The following PCDHA12 variants were observed in gnomAD, a reference collection of about 807,000 sequenced individuals.
PCDHA12 encodes the protein protocadherin alpha-12.
In PCDHA12, 44 loss-of-function variants were observed where a neutral mutation model predicts 60.0. That is an observed-to-expected ratio of 0.73 (90% CI 0.58 to 0.94). The LOEUF is 0.94. Among genes scored for constraint, PCDHA12 ranks in the 40% least tolerant of loss-of-function variants. PCDHA12 has a pLI of 0.00. For missense variants in PCDHA12, 1,276 were observed against 1,239.7 expected, an observed-to-expected ratio of 1.03 and a Z score of -0.44; for synonymous variants, 569 against 553.0, an observed-to-expected ratio of 1.03 and a Z score of -0.40.
At position 140,877,303 on chromosome 5, in the gene PCDHA12, T is replaced by C. The variant is rs566187421; in HGVS notation, c.1831T>C (p.Leu611=). 3.5e-4 allele frequency: 564 copies of C among 1,613,850 alleles called. 6 individuals are homozygous for C. In the South Asian group the frequency reaches 5.9e-3, roughly 17 times the overall value. Residue 611 remains leucine, a synonymous_variant, in exon 1 of 4, where the codon TTG becomes CTG. Transcript: ENST00000398631. ...CTATAACGCTTGGCTGTCCTACGAGTTGCAACCGGCGGCGGTCGGCGCGCA... is the reference window on the plus strand; with the variant it reads ...CTATAACGCTTGGCTGTCCTACGAGCTGCAACCGGCGGCGGTCGGCGCGCA... ...SGYNAWLSYE[L]QPAAVGAHIP... is the part of the protein sequence containing the mutation.
intron 1 of PCDHA12, among the ~76,000 whole-genome samples, chr5:140,977,927 T>G (rs1214119079): frequency 6.6e-6 from 1 of 152,180 alleles, no homozygotes; most frequent in Non-Finnish European, 1.5e-5. Context: ...TTCATTCAAC[T>G]ATACCTCAAT....
intron 1 of PCDHA12, chr5:140,926,516 G>C: frequency 5.0e-6 from 1 of 198,082 alleles, no homozygotes; most frequent in Non-Finnish European, 1.0e-5. Context: ...CCCAGGCTCC[G>C]CCCTGCGCCC....
At chr5:140,889,273 T>C (rs1307102398) in intron 1 of PCDHA12, among the ~76,000 whole-genome samples, 3 of 152,054 alleles carry the variant, frequency 2.0e-5, no homozygotes, top group Admixed American at 6.5e-5. Flanking sequence ...GTATAATCTT[T>C]GAATTACTTC....
At chr5:140,884,416 G>A (rs1035372416) in intron 1 of PCDHA12, 22 of 1,613,888 alleles carry the variant, frequency 1.4e-5, no homozygotes, top group Non-Finnish European at 1.7e-5. Context: ...TCACGTTGCT[G>A]CTGTATACTG....
chr5:140,884,610 G>A (rs1554181783), intron 1 of PCDHA12: 1 of 1,614,138 alleles, frequency 6.2e-7, no homozygotes, highest in South Asian at 1.1e-5. Context: ...CCTTGTCTGG[G>A]TTCTGCAGAG....
At chr5:140,922,241 G>A (rs1314775680) in intron 1 of PCDHA12, among the ~76,000 whole-genome samples, 1 of 152,192 alleles carries the variant, frequency 6.6e-6, no homozygotes, top group Non-Finnish European at 1.5e-5. Context: ...TGATGTGTAT[G>A]AAGATAAGTT....
At chr5:140,982,671 G>T in intron 3 of PCDHA12, 108 bp downstream of exon 3, 1 of 1,454,062 alleles carries the variant, frequency 6.9e-7, no homozygotes, top group South Asian at 1.4e-5. Context: ...TTATATTTTT[G>T]TTATTCCCTT....
intron 1 of PCDHA12, chr5:140,966,708 C>G (rs1033433543): frequency 7.2e-7 from 1 of 1,384,746 alleles, no homozygotes; most frequent in Non-Finnish European, 9.3e-7. Context: ...GCGTGGGGCA[C>G]GGCTGGGGAA....
chr5:140,997,831 A>G (rs938860065), intron 3 of PCDHA12, among the ~76,000 whole-genome samples: 3 of 152,210 alleles, frequency 2.0e-5, no homozygotes, highest in African/African-American at 4.8e-5. Context: ...TTTCTAAACA[A>G]TACAATATAC....
chr5:140,982,843 A>G (rs782122104), intron 3 of PCDHA12, among the ~76,000 whole-genome samples: 1 of 152,090 alleles, frequency 6.6e-6, no homozygotes, highest in Non-Finnish European at 1.5e-5. Flanking sequence ...GTTTGTTTAA[A>G]TCAGGTACCT....
intron 1 of PCDHA12, among the ~76,000 whole-genome samples, chr5:140,901,201 G>A (rs2068505084): frequency 6.6e-6 from 1 of 152,038 alleles, no homozygotes; most frequent in Admixed American, 6.6e-5. Context: ...CTGTGCAGAA[G>A]GTTTTTAAGT....
chr5:140,884,443 A>G (rs568353165), intron 1 of PCDHA12: 2 of 1,613,454 alleles, frequency 1.2e-6, no homozygotes, highest in South Asian at 2.2e-5. Flanking sequence ...GGTGCTCGGC[A>G]CCGCCCACCG....
Position 140,875,917 on chromosome 5 carries a change from G to A in PCDHA12, c.445G>A (p.Asp149Asn). 6.2e-7 allele frequency: 1 copy of A among 1,614,146 alleles called. No individual in the cohort carries two copies. Among genetic ancestry groups the A allele is most frequent in the Non-Finnish European group, 8.5e-7 (1 of 1,180,000 alleles). The change falls in exon 1 of 4, where the codon GAC (aspartate) becomes AAC (asparagine). Residue 149 changes from aspartate to asparagine, a missense_variant. Asp to Asn is a conservative substitution (Grantham distance 23). Transcript: ENST00000398631. ...ACCTGTTTCTGAATCTGCGCCTCTG[G>A]ACTCTCATTTTCCTCTAGAGGGCGC... ...KVPVSESAPL[D>N]SHFPLEGASD...
chr5:141,003,352 C>T (rs747533399), intron 3 of PCDHA12, among the ~76,000 whole-genome samples: 38 of 152,318 alleles, frequency 2.5e-4, no homozygotes, highest in Non-Finnish European at 1.5e-4. Context: ...TGCTCTGTCA[C>T]CCAGGCTGGA....
chr5:140,950,914 T>G (rs1198787949), intron 1 of PCDHA12, among the ~76,000 whole-genome samples: 1 of 152,044 alleles, frequency 6.6e-6, no homozygotes, highest in Non-Finnish European at 1.5e-5. Context: ...TTTATTTTAT[T>G]TCAGTTCTTT....
chr5:140,966,561 G>C (rs2153747879), intron 1 of PCDHA12: 1 of 488,962 alleles, frequency 2.0e-6, no homozygotes, highest in Non-Finnish European at 3.4e-6. Context: ...GGAGGAGCTG[G>C]AATATGGGGA....
At chr5:140,904,280 G>A in intron 1 of PCDHA12, among the ~76,000 whole-genome samples, 1 of 151,848 alleles carries the variant, frequency 6.6e-6, no homozygotes, top group Non-Finnish European at 1.5e-5. Flanking sequence ...GAGAACATGT[G>A]GTGTTTGGTT....
At chr5:141,009,167 G>A (rs2098401919) in intron 3 of PCDHA12, among the ~76,000 whole-genome samples, 1 of 152,180 alleles carries the variant, frequency 6.6e-6, no homozygotes, top group African/African-American at 2.4e-5. Flanking sequence ...TGTAAATACT[G>A]GCCTTGGCTG....
Position 140,875,748 on chromosome 5 carries a change from C to T in PCDHA12, c.276C>T (p.Arg92=), listed in dbSNP as rs2055764549. The T allele has an allele frequency of 6.2e-7, 1 of 1,614,078 alleles. No homozygotes were observed. Among genetic ancestry groups the T allele is most frequent in the South Asian group, 1.1e-5 (1 of 91,090 alleles). ...TGTTTGTGAATTCTCGGATCGACCG[C>T]GAGAAGCTGTGCGGGCGGAGCGCGG... ...GILFVNSRID[R]EKLCGRSAEC... The change falls in exon 1 of 4, where the codon CGC becomes CGT. Residue 92 remains arginine, a synonymous_variant. Transcript: ENST00000398631.
Sources: gnomAD v4.1 joint callset for allele counts (sites outside exome capture counted in the v4.1 genomes callset) on GRCh38, gnomAD v4.1.1 for gene constraint, MANE v1.5 for transcripts, NCBI Gene and HGNC (gene_info 2026-07-23, HGNC 2026-07-21) for gene names.